The following AVEN variants were observed in gnomAD, a reference collection of about 807,000 sequenced individuals.
The protein encoded by AVEN is apoptosis and caspase activation inhibitor, also known as cell death regulator Aven.
AVEN carries 41 observed loss-of-function variants against 38.1 expected under a neutral mutation model. The observed-to-expected ratio is 1.08, with a 90% CI of 0.84 to 1.40. The LOEUF (loss-of-function observed/expected upper bound fraction) is 1.40. Among genes scored for constraint, AVEN ranks in the 40% most tolerant of loss-of-function variants. The pLI is 0.00. For synonymous variants in AVEN, 206 were observed against 171.8 expected (o/e 1.20, Z -1.56); for missense variants, 605 against 438.8 (o/e 1.38, Z -3.38).
Position 33,904,682 on chromosome 15 carries a change from T to TAAAA in AVEN, c.446-28691_446-28688dup, listed in dbSNP as rs77784482. The stretch of plus-strand genomic sequence containing the variant: ...CCTGCCTTGGCCGAGACTGTTTCTT[T>TAAAA]AAAAAAAAAAAAATATATATATATA... On this transcript the variant is annotated intron_variant, in intron 2 of 5. Transcript: ENST00000306730. Among the ~76,000 whole-genome samples, 1,104 of 133,708 alleles carry TAAAA rather than the reference T, an allele frequency of 8.3e-3. 9 individuals carry two copies. Among genetic ancestry groups the TAAAA allele is most frequent in the South Asian group, 0.031 (127 of 4,072 alleles). The allele number at this position is 133,708 out of a possible 152,430, so 87.7% of individuals were successfully genotyped here.
At chr15:33,957,640 C>T (rs1455588671) in intron 2 of AVEN, among the ~76,000 whole-genome samples, 1 of 150,860 alleles carries the variant, frequency 6.6e-6, no homozygotes, top group Non-Finnish European at 1.5e-5. Context: ...GATCTAGTCA[C>T]ATGATGGAAT....
At chr15:33,859,590 A>G in intron 11 of AVEN, 2 of 1,613,942 alleles carry the variant, frequency 1.2e-6, no homozygotes, top group African/African-American at 1.3e-5. Flanking sequence ...CCTTTTCCAC[A>G]TGTACGTGGG....
At chr15:33,954,735 T>C (rs1894894690) in intron 2 of AVEN, among the ~76,000 whole-genome samples, 1 of 152,082 alleles carries the variant, frequency 6.6e-6, no homozygotes, top group South Asian at 2.1e-4. Flanking sequence ...CACACCAACA[T>C]GGCACATGTA....
chr15:33,917,031 G>C (rs182879870), intron 2 of AVEN, among the ~76,000 whole-genome samples: 1 of 152,048 alleles, frequency 6.6e-6, no homozygotes, highest in Non-Finnish European at 1.5e-5. Flanking sequence ...CTGCCCCCAT[G>C]ATTAGATTAG....
intron 11 of AVEN, among the ~76,000 whole-genome samples, chr15:33,860,829 A>T (rs992213518): frequency 1.9e-4 from 28 of 150,806 alleles, no homozygotes; most frequent in African/African-American, 6.7e-4. Context: ...CAGGCCGGCC[A>T]CTCTGCTGCC....
At chr15:33,940,785 C>A (rs1049161010) in intron 2 of AVEN, among the ~76,000 whole-genome samples, 10 of 152,058 alleles carry the variant, frequency 6.6e-5, no homozygotes, top group African/African-American at 2.4e-4. Context: ...CGTGATCCAC[C>A]CACTTTGGCC....
chr15:33,973,023 C>T (rs535000782), intron 2 of AVEN, among the ~76,000 whole-genome samples: 40 of 152,326 alleles, frequency 2.6e-4, no homozygotes, highest in Non-Finnish European at 5.6e-4. Context: ...TGGTTCATTA[C>T]AACCAATGGG....
chr15:33,885,514 G>C (rs895388790), intron 2 of AVEN: 1 of 152,176 alleles, frequency 6.6e-6, no homozygotes, highest in Admixed American at 6.5e-5. Context: ...GACTATGCAA[G>C]TCACTACGGT....
chr15:34,018,540 C>CTT (rs1032877843), intron 1 of AVEN: 13 of 152,650 alleles, frequency 8.5e-5, no homozygotes, highest in African/African-American at 3.1e-4. Flanking sequence ...GTCTCGCTGA[C>CTT]TTCAGGAATG....
downstream of AVEN, among the ~76,000 whole-genome samples, chr15:33,862,262 G>T (rs12148517): frequency 4.8e-3 from 729 of 152,112 alleles, 7 homozygotes; most frequent in African/African-American, 0.017. Context: ...GCCCAGGCTC[G>T]AGTGCAGTGG....
At chr15:33,882,605 G>A (rs1473114555) in intron 2 of AVEN, among the ~76,000 whole-genome samples, 7 of 151,160 alleles carry the variant, frequency 4.6e-5, no homozygotes, top group African/African-American at 1.5e-4. Flanking sequence ...AGTGGCTTAC[G>A]CCTGTAATCT....
intron 11 of AVEN, chr15:33,860,943 C>A (rs1485992811): frequency 3.6e-5 from 23 of 639,574 alleles, no homozygotes; most frequent in Non-Finnish European, 5.2e-5. Context: ...TATGGCACTA[C>A]TGAGTGAATG....
At chr15:33,865,125 T>C (rs1321730370), downstream of AVEN, 2 of 1,609,262 alleles carry the variant, frequency 1.2e-6, no homozygotes, top group Non-Finnish European at 1.7e-6. Flanking sequence ...GTTCATATTA[T>C]TTCAGGAATC....
In AVEN at chr15:33,882,370, GC is replaced by G. The variant is rs541410449; in HGVS notation, c.446-6376del. ...TCACATTTTCCTTACATGATAAAAA[GC>G]CTCATCTCATCCTATTCCAGCAACA... On this transcript the variant is annotated intron_variant, in intron 2 of 5. Transcript: ENST00000306730. Among the ~76,000 whole-genome samples the G allele has an allele frequency of 1.4e-3, 210 of 152,206 alleles. 2 individuals are homozygous for G. Among genetic ancestry groups the G allele is most frequent in the African/African-American group, 4.9e-3 (204 of 41,542 alleles).
intron 2 of AVEN, among the ~76,000 whole-genome samples, chr15:33,948,009 TA>T (rs1410124175): frequency 5.9e-5 from 9 of 152,168 alleles, no homozygotes; most frequent in African/African-American, 2.2e-4. Flanking sequence ...CTCAAGTATA[TA>T]TACAATTAGA....
At chr15:33,919,885 C>G (rs1487341521) in intron 2 of AVEN, among the ~76,000 whole-genome samples, 2 of 152,194 alleles carry the variant, frequency 1.3e-5, no homozygotes, top group African/African-American at 4.8e-5. Context: ...ATAAGTATCA[C>G]TTCCACAGAA....
intron 2 of AVEN, among the ~76,000 whole-genome samples, chr15:33,934,194 C>A (rs1203770536): frequency 7.0e-6 from 1 of 142,670 alleles, no homozygotes; most frequent in Non-Finnish European, 1.5e-5. Flanking sequence ...GGCAACATAG[C>A]AAGACCCCAT....
At chr15:33,926,837 TAA>T in intron 2 of AVEN, among the ~76,000 whole-genome samples, 1 of 152,158 alleles carries the variant, frequency 6.6e-6, no homozygotes, top group East Asian at 1.9e-4. Flanking sequence ...GAATTTTTAG[TAA>T]AGAGAGGGTT....
the AVEN span, chr15:33,853,432 C>G: frequency 4.8e-6 from 6 of 1,243,670 alleles, no homozygotes; most frequent in Middle Eastern, 5.7e-4. Flanking sequence ...GCATTTTGAA[C>G]TATGTCTTCA....
Sources: allele counts gnomAD v4.1 joint callset (sites outside exome capture counted in the v4.1 genomes callset), GRCh38; gene constraint gnomAD v4.1.1; transcripts MANE v1.5; gene names NCBI Gene and HGNC (gene_info 2026-07-23, HGNC 2026-07-21).